The following FNDC3A variants were observed in gnomAD, a reference collection of about 807,000 sequenced individuals.
FNDC3A encodes fibronectin type III domain containing 3A.
A neutral mutation model predicts 148.9 loss-of-function variants in FNDC3A; 32 were observed. The observed-to-expected ratio is 0.21, with a 90% CI of 0.16 to 0.29. The LOEUF (loss-of-function observed/expected upper bound fraction) is 0.29. Ranked by LOEUF, FNDC3A falls within the 10% of genes least tolerant of loss-of-function variation. FNDC3A has a pLI of 1.00. For synonymous variants in FNDC3A, 472 were observed against 473.6 expected (o/e 1.00, Z 0.04); for missense variants, 1,191 against 1,452.8 (o/e 0.82, Z 2.93).
At chr13:49,122,949 A>G (rs1370355889) in intron 4 of FNDC3A, among the ~76,000 whole-genome samples, 1 of 152,236 alleles carries the variant, frequency 6.6e-6, no homozygotes, top group African/African-American at 2.4e-5. Context: ...ATTCAATGCT[A>G]TCCCCATCAA....
rs376764922 is a variant in FNDC3A, at chr13:49,207,198, G to A, written c.3400G>A (p.Val1134Ile). ...AGACTCTCTGGGACACCAGGACCTC[G>A]TAGGTCCCTACAGCACCACAGTGCT... Reference protein sequence around the residue: ...CQDSLGHQDLVGPYSTTVLFI... With the variant: ...CQDSLGHQDLIGPYSTTVLFI... Residue 1134 changes from valine (V) to isoleucine (I), a missense_variant, in exon 26 of 26, where the codon GTA becomes ATA. Val to Ile is a conservative substitution (Grantham distance 29, BLOSUM62 3). Around this residue, in one of 3 missense-constraint regions of FNDC3A, gnomAD observed 751 missense variants for 944.0 expected, o/e 0.80. Transcript: ENST00000492622. 240 of 1,613,696 alleles carry A rather than the reference G, an allele frequency of 1.5e-4. 2 individuals are homozygous for A. The highest frequency in any genetic ancestry group is 6.7e-4 in the South Asian group (61 of 91,082).
chr13:49,062,539 TTC>T (rs1393660627), intron 2 of FNDC3A, among the ~76,000 whole-genome samples: 1 of 152,192 alleles, frequency 6.6e-6, no homozygotes. Context: ...ATTGCTCATG[TTC>T]TCTTTCACCC....
In FNDC3A at chr13:49,051,654, C is replaced by T. The variant is rs147257030; in HGVS notation, c.100-23635C>T. 1.4e-3 allele frequency among the ~76,000 whole-genome samples: 212 copies of T among 152,228 alleles called. 1 individual carries two copies. The highest frequency in any genetic ancestry group is 2.2e-3 in the Non-Finnish European group (147 of 68,014). The stretch of plus-strand genomic sequence containing the variant: ...ATGAGTTGATGACTATGTGCTTAGA[C>T]GATAATCTTTTTGTGATGAATTTCC... On this transcript the variant is annotated intron_variant, in intron 2 of 25. Coordinates refer to ENST00000492622, the MANE Select transcript of FNDC3A (RefSeq NM_001079673.2).
intron 2 of FNDC3A, among the ~76,000 whole-genome samples, chr13:49,073,246 ATAT>A (rs1478812013): frequency 6.6e-6 from 1 of 152,222 alleles, no homozygotes; most frequent in Non-Finnish European, 1.5e-5. Flanking sequence ...TTATAGTACA[ATAT>A]TATTATTCTT....
At chr13:49,042,405 C>T (rs1875008252) in intron 2 of FNDC3A, among the ~76,000 whole-genome samples, 1 of 151,996 alleles carries the variant, frequency 6.6e-6, no homozygotes, top group Non-Finnish European at 1.5e-5. Context: ...TTCGCTATTT[C>T]TGCTCATATT....
rs1463303395 is a variant in FNDC3A, at chr13:49,145,917, A to T, written c.959A>T (p.Lys320Ile). Residue 320 changes from lysine (K) to isoleucine (I), a missense_variant, in exon 8 of 26, where the codon AAA becomes ATA. By Grantham distance (102) the Lys-to-Ile change is moderately radical. This residue lies in a region of FNDC3A where 426 missense variants were observed against 473.2 expected (regional missense o/e 0.90). Coordinates refer to ENST00000492622, the MANE Select transcript of FNDC3A (RefSeq NM_001079673.2). ...ATCTCAAGTACTGGAAAAGATGGGA[A>T]ATACAAAAGTGTATATGTGTAGGTA... Reference protein sequence around the residue: ...VLISSTGKDGKYKSVYVGEET... With the variant: ...VLISSTGKDGIYKSVYVGEET... 2 of 1,612,658 alleles carry T rather than the reference A, an allele frequency of 1.2e-6. No homozygotes were observed. The highest frequency in any genetic ancestry group is 2.2e-5 in the South Asian group (2 of 90,814).
intron 2 of FNDC3A, among the ~76,000 whole-genome samples, chr13:49,023,674 AAATTGTT>A (rs1415446804): frequency 6.6e-6 from 1 of 151,986 alleles, no homozygotes; most frequent in Admixed American, 6.6e-5. Flanking sequence ...AATCCTGTAG[AAATTGTT>A]AACTTTTAAG....
chr13:49,096,684 G>A (rs2181538), intron 3 of FNDC3A, among the ~76,000 whole-genome samples: 88,955 of 151,850 alleles, frequency 0.59, 27,494 homozygotes, highest in Non-Finnish European at 0.68. Flanking sequence ...GTCCTGAGGG[G>A]CAACTCATTC....
chr13:49,185,984 A>G lies in FNDC3A; in HGVS notation c.1638A>G (p.Glu546=), dbSNP rs1335081570. Residue 546 remains glutamate (E), a synonymous_variant, in exon 15 of 26, where the codon GAA becomes GAG. Transcript: ENST00000492622. ...YKFKVIAYNS[E]GKSNPSEVVE... is the part of the protein sequence containing the mutation. ...CACAGGTTATTGCTTACAACTCAGA[A>G]GGTAAAAGTAATCCAAGTGAAGTAG... 1 of 1,611,790 alleles carries G rather than the reference A, an allele frequency of 6.2e-7. No homozygotes were observed. The highest frequency in any genetic ancestry group is 8.5e-7 in the Non-Finnish European group (1 of 1,178,442).
intron 2 of FNDC3A, among the ~76,000 whole-genome samples, chr13:49,051,694 C>T (rs1233953428): frequency 6.6e-6 from 1 of 152,134 alleles, no homozygotes; most frequent in Non-Finnish European, 1.5e-5. Flanking sequence ...GCTCTTTGTA[C>T]TTCTTGTATT....
chr13:49,071,731 T>TC (rs1877709942), intron 2 of FNDC3A, among the ~76,000 whole-genome samples: 2 of 152,080 alleles, frequency 1.3e-5, no homozygotes, highest in African/African-American at 4.8e-5. Flanking sequence ...TATTTGGTTT[T>TC]TTTTTTTTGC....
At chr13:49,015,508 G>C (rs1229250825) in intron 2 of FNDC3A, among the ~76,000 whole-genome samples, 5 of 152,210 alleles carry the variant, frequency 3.3e-5, no homozygotes, top group Admixed American at 1.3e-4. Flanking sequence ...GGCTGAGACA[G>C]TGGGGTTTTC....
intron 2 of FNDC3A, among the ~76,000 whole-genome samples, chr13:49,060,413 G>A (rs1876584419): frequency 6.6e-6 from 1 of 152,156 alleles, no homozygotes; most frequent in South Asian, 2.1e-4. Context: ...GAAGGCCAAG[G>A]TGGGCGGATC....
chr13:49,006,383 C>T (rs1351279356), intron 2 of FNDC3A, 94 bp downstream of exon 2: 8 of 533,078 alleles, frequency 1.5e-5, no homozygotes, highest in East Asian at 9.5e-5. Flanking sequence ...CCTGTTAATT[C>T]GTGTTTTAAA....
At chr13:49,201,171 T>C (rs905463606) in intron 23 of FNDC3A, 3 of 304,368 alleles carry the variant, frequency 9.9e-6, no homozygotes, top group Non-Finnish European at 1.3e-5. Flanking sequence ...ATTCAACTTA[T>C]AGATAACATA....
At position 49,107,486 on chromosome 13, in the gene FNDC3A, C is replaced by T. The variant is rs186076551; in HGVS notation, c.176-7169C>T. ...GAAAAGGTAAAAATACCTGACAGGA[C>T]GGAAATGACCAGTGAAGCCAAGTCC... On this transcript the variant is annotated intron_variant, in intron 3 of 25. Transcript: ENST00000492622. Among the ~76,000 whole-genome samples, 214 of 151,936 alleles carry T rather than the reference C, an allele frequency of 1.4e-3. 1 individual carries two copies. Among genetic ancestry groups the T allele is most frequent in the African/African-American group, 4.9e-3 (201 of 41,440 alleles).
intron 5 of FNDC3A, among the ~76,000 whole-genome samples, chr13:49,135,935 T>C (rs903445703): frequency 2.0e-5 from 3 of 152,170 alleles, no homozygotes; most frequent in Admixed American, 2.0e-4. Flanking sequence ...TTTACCTATT[T>C]TATGTGTTTA....
intron 7 of FNDC3A, among the ~76,000 whole-genome samples, chr13:49,144,459 A>G (rs1882878015): frequency 6.6e-6 from 1 of 152,220 alleles, no homozygotes; most frequent in South Asian, 2.1e-4. Context: ...ACTTTAATTC[A>G]AGATAGGAGT....
intron 2 of FNDC3A, among the ~76,000 whole-genome samples, chr13:49,052,948 A>C (rs1347896909): frequency 6.6e-6 from 1 of 152,108 alleles, no homozygotes; most frequent in African/African-American, 2.4e-5. Flanking sequence ...TTATATTCCC[A>C]GGGGGTTTAC....
Sources: gnomAD v4.1 joint callset for allele counts (sites outside exome capture counted in the v4.1 genomes callset) on GRCh38, gnomAD v4.1.1 for gene constraint, gnomAD v4.1.1 regional missense constraint, MANE v1.5 for transcripts, NCBI Gene and HGNC (gene_info 2026-07-23, HGNC 2026-07-21) for gene names.